The following SPRY4 variants were observed in gnomAD, a reference collection of about 807,000 sequenced individuals.
SPRY4 encodes sprouty RTK signaling antagonist 4, also known as protein sprouty homolog 4.
SPRY4 carries 7 observed loss-of-function variants against 17.0 expected under a neutral mutation model. The ratio of observed to expected loss-of-function variants is 0.41; its 90% CI spans 0.23 to 0.77. The LOEUF (loss-of-function observed/expected upper bound fraction) is 0.77, where lower values mean the gene tolerates loss of function less well. SPRY4 is among the 30% of genes least tolerant of loss of function. The probability of loss-of-function intolerance (pLI) is 0.32; values close to 1 mark genes in which losing one functional copy is unlikely to be tolerated. For synonymous variants in SPRY4, 183 were observed against 174.1 expected, an observed-to-expected ratio of 1.05 and a Z score of -0.40; for missense variants, 435 against 419.9, an observed-to-expected ratio of 1.04 and a Z score of -0.31.
rs752250923 is a variant in SPRY4, at chr5:142,314,922, C to T, written c.187G>A (p.Gly63Ser). The change falls in exon 2 of 2, where the codon GGC becomes AGC. Residue 63 changes from glycine to serine, a missense_variant. Gly to Ser is a moderately conservative substitution (Grantham distance 56). Transcript: ENST00000434127. This position sits in a 1 kb window ranked among gnomAD's most constrained non-coding sequence, Gnocchi z 4.8. ...GCCCCGCCCCGGGTCCGCTTTGGGCCGGTGGTCAGGGCCAGGCTAGGGTTG... is the reference window on the plus strand; with the variant it reads ...GCCCCGCCCCGGGTCCGCTTTGGGCTGGTGGTCAGGGCCAGGCTAGGGTTG... ...IDNPSLALTT[G>S]PKRTRGGAPE... 31 of 1,612,198 alleles carry T rather than the reference C, an allele frequency of 1.9e-5. No homozygotes were observed. Among genetic ancestry groups the T allele is most frequent in the African/African-American group, 2.7e-5 (2 of 74,894 alleles).
chr5:142,311,935 GGT>G lies in SPRY4; in HGVS notation c.*2272_*2273del, dbSNP rs57372594. On this transcript the variant is annotated 3_prime_UTR_variant, in exon 2 of 2. Coordinates refer to ENST00000434127, the MANE Select transcript of SPRY4 (RefSeq NM_001127496.3). ...CGGTAGACAGTCAGTGTGGGGTAGG[GGT>G]GTGTGTGTGTGTGTGTGTGTGTGTA... The G allele has an allele frequency of 8.8e-4, 123 of 140,546 alleles. No individual in the cohort carries two copies. Among genetic ancestry groups the G allele is most frequent in the Middle Eastern group, 3.5e-3 (1 of 286 alleles). 8.7% of individuals were successfully genotyped at this position (140,546 alleles called of 1,614,324 possible). A position where few individuals can be genotyped will look rare whatever the true frequency, so the allele number is the denominator to read the frequency against.
At position 142,314,269 on chromosome 5, in the gene SPRY4, G is replaced by T; in HGVS notation, c.840C>A (p.Ser280Arg). ...CCCCGCTGGCTGCTTTGCAGATGAC[G>T]CTGTTCGTGTGCTTGCAGCGGCAAC... is the stretch of plus-strand genomic sequence containing the variant. The part of the protein sequence containing the change: ...RPGCRCKHTN[S>R]VICKAASGDA... Residue 280 changes from serine to arginine, a missense_variant, in exon 2 of 2, where the codon AGC (serine) becomes AGA (arginine). Coordinates refer to ENST00000434127, the MANE Select transcript of SPRY4 (RefSeq NM_001127496.3). The surrounding 1 kb of genome is among the most constrained non-coding windows in gnomAD (Gnocchi z 4.8). 6.2e-7 allele frequency: 1 copy of T among 1,613,382 alleles called. No homozygotes were observed.
chr5:142,322,541 T>C (rs1222007101), intron 1 of SPRY4, among the ~76,000 whole-genome samples: 1 of 151,546 alleles, frequency 6.6e-6, no homozygotes, highest in East Asian at 1.9e-4. Flanking sequence ...TGTCCACCTG[T>C]CCACAGCCTC....
In SPRY4 at chr5:142,310,725, TAAG is replaced by T. The variant is rs886637358; in HGVS notation, c.*3481_*3483del. 2.0e-5 allele frequency: 3 copies of T among 151,864 alleles called. No individual in the cohort carries two copies. The highest frequency in any genetic ancestry group is 7.3e-5 in the African/African-American group (3 of 41,250). The allele number at this position is 151,864 out of a possible 1,614,324, so 9.4% of individuals were successfully genotyped here. Reference sequence around the variant, plus strand: ...AACATGAAACCAAGCTGTGGGACAGTAAGAAGAGAAAGCAAGGCAAGACACTGC... The same window carrying T: ...AACATGAAACCAAGCTGTGGGACAGTAAGAGAAAGCAAGGCAAGACACTGC... On this transcript the variant is annotated 3_prime_UTR_variant, in exon 2 of 2. Coordinates refer to ENST00000434127, the MANE Select transcript of SPRY4 (RefSeq NM_001127496.3).
rs1489857741 is a variant in SPRY4, at chr5:142,311,604, T to C, written c.*2605A>G. ...GTTGTTGTTGTTGTTGTTTTAATTT[T>C]TGCCAAGAAGCTGAGAAAAACAATG... On this transcript the variant is annotated 3_prime_UTR_variant, in exon 2 of 2. Coordinates refer to ENST00000434127, the MANE Select transcript of SPRY4 (RefSeq NM_001127496.3). The C allele has an allele frequency of 6.6e-6, 1 of 151,838 alleles. No homozygotes were observed. Among genetic ancestry groups the C allele is most frequent in the Admixed American group, 6.6e-5 (1 of 15,234 alleles). The allele number at this position is 151,838 out of a possible 1,614,324, so 9.4% of individuals were successfully genotyped here.
chr5:142,314,427 G>A lies in SPRY4; in HGVS notation c.682C>T (p.Arg228Cys), dbSNP rs1024075344. ...GACCAGCGGGCGCAGCAGTTGGAGCGGGAGCAGGAGCAGGGGTGGTCAGCG... is the reference window on the plus strand; with the variant it reads ...GACCAGCGGGCGCAGCAGTTGGAGCAGGAGCAGGAGCAGGGGTGGTCAGCG... ...SCADHPCSCSRSNCCARWSFM... is the reference protein window; with the variant it reads ...SCADHPCSCSCSNCCARWSFM... The change falls in exon 2 of 2, where the codon CGC (arginine) becomes TGC (cysteine). Residue 228 changes from arginine to cysteine, a missense_variant. By Grantham distance (180) the Arg-to-Cys change is radical. Coordinates refer to ENST00000434127, the MANE Select transcript of SPRY4 (RefSeq NM_001127496.3). This position sits in a 1 kb window ranked among gnomAD's most constrained non-coding sequence, Gnocchi z 4.8. 9.9e-6 allele frequency: 16 copies of A among 1,613,892 alleles called. No individual in the cohort carries two copies. Among genetic ancestry groups the A allele is most frequent in the Admixed American group, 1.7e-5 (1 of 59,980 alleles).
At position 142,317,206 on chromosome 5, in the gene SPRY4, C is replaced by T. The variant is rs149095261; in HGVS notation, c.-47-2051G>A. On this transcript the variant is annotated intron_variant, in intron 1 of 1. Transcript: ENST00000434127. ...TTTCCAAGGATCAGGCTGATGACAA[C>T]GTAGGAATTCCAGGGAATGCTACCT... 8.5e-5 allele frequency: 84 copies of T among 985,420 alleles called. 1 individual carries two copies. The African/African-American group carries it at 1.0e-3, about 12-fold the overall frequency. The allele number at this position is 985,420 out of a possible 1,614,324, so 61.0% of individuals were successfully genotyped here. A position where few individuals can be genotyped will look rare whatever the true frequency, so the allele number is the denominator to read the frequency against.
rs144353509 is a variant in SPRY4 at position 142,314,588 on chromosome 5, C to A, written c.521G>T (p.Arg174Leu). ...GCAGACCCAGCAGGAAGGCAACGTC[C>A]GGGGGGATGCACACTCCTTGCATTT... is the stretch of plus-strand genomic sequence containing the variant. Reference protein sequence around the residue: ...KCKCKECASPRTLPSCWVCNQ... With the variant: ...KCKCKECASPLTLPSCWVCNQ... Residue 174 changes from arginine to leucine, a missense_variant, in exon 2 of 2, where the codon CGG becomes CTG. Arg to Leu is a moderately radical substitution (Grantham distance 102, BLOSUM62 -2). Transcript: ENST00000434127. This position sits in a 1 kb window ranked among gnomAD's most constrained non-coding sequence, Gnocchi z 4.8. 6.2e-7 allele frequency: 1 copy of A among 1,614,206 alleles called. No individual in the cohort carries two copies. Among genetic ancestry groups the A allele is most frequent in the Non-Finnish European group, 8.5e-7 (1 of 1,180,030 alleles).
intron 1 of SPRY4, chr5:142,317,417 C>T (rs988416906): frequency 1.0e-6 from 1 of 985,326 alleles, no homozygotes; most frequent in South Asian, 4.7e-5. Flanking sequence ...CAGCCAGAAC[C>T]CTCACCCCCG....
At position 142,314,675 on chromosome 5, in the gene SPRY4, C is replaced by T. The variant is rs762059142; in HGVS notation, c.434G>A (p.Gly145Asp). 2.5e-5 allele frequency: 41 copies of T among 1,614,076 alleles called. No individual in the cohort carries two copies. The Middle Eastern group carries it at 6.6e-4, about 26-fold the overall frequency. ...VVHCQPLDLKGPAVPPELDKH... is the reference protein window; with the variant it reads ...VVHCQPLDLKDPAVPPELDKH... The stretch of plus-strand genomic sequence containing the variant: ...GTCCAGCTCGGGTGGGACCGCCGGG[C>T]CCTTGAGGTCCAGCGGCTGGCAGTG... Residue 145 changes from glycine to aspartate, a missense_variant, in exon 2 of 2, where the codon GGC becomes GAC. By Grantham distance (94) the Gly-to-Asp change is moderately conservative (BLOSUM62 -1). Transcript: ENST00000434127. The surrounding 1 kb of genome is among the most constrained non-coding windows in gnomAD (Gnocchi z 4.8).
At chr5:142,322,584 G>C (rs1022172066) in intron 1 of SPRY4, among the ~76,000 whole-genome samples, 7 of 151,788 alleles carry the variant, frequency 4.6e-5, no homozygotes, top group African/African-American at 1.7e-4. Flanking sequence ...CCTCCCACCA[G>C]CCCCCAACTA....
intron 1 of SPRY4, among the ~76,000 whole-genome samples, chr5:142,321,548 T>A (rs1237759499): frequency 2.2e-5 from 3 of 137,126 alleles, no homozygotes; most frequent in Non-Finnish European, 4.9e-5. Flanking sequence ...ACTCTAGCCA[T>A]TTCCCTTCCT....
intron 1 of SPRY4, among the ~76,000 whole-genome samples, chr5:142,319,202 G>A (rs573627028): frequency 6.6e-6 from 1 of 152,284 alleles, no homozygotes; most frequent in Non-Finnish European, 1.5e-5. Context: ...AGCCCTCACG[G>A]AACATCATTA....
At chr5:142,319,572 T>TGG (rs1205821591) in intron 1 of SPRY4, among the ~76,000 whole-genome samples, 1 of 152,158 alleles carries the variant, frequency 6.6e-6, no homozygotes, top group Non-Finnish European at 1.5e-5. Context: ...CCTTCATTGA[T>TGG]GGGGTCCCTG....
In SPRY4 at chr5:142,311,406, G is replaced by A. The variant is rs1368282027; in HGVS notation, c.*2803C>T. 5 of 152,320 alleles carry A rather than the reference G, an allele frequency of 3.3e-5. No individual in the cohort carries two copies. Among genetic ancestry groups the A allele is most frequent in the Admixed American group, 6.5e-5 (1 of 15,280 alleles). 9.4% of individuals were successfully genotyped at this position (152,320 alleles called of 1,614,324 possible). A position where few individuals can be genotyped will look rare whatever the true frequency, so the allele number is the denominator to read the frequency against. On this transcript the variant is annotated 3_prime_UTR_variant, in exon 2 of 2. Coordinates refer to ENST00000434127, the MANE Select transcript of SPRY4 (RefSeq NM_001127496.3). ...CACTTTTCAAAAAAGGTCAAGCCGA[G>A]GCATCGTCCAGCCAAACAGGCCATT...
rs149803525 is a variant in SPRY4, at chr5:142,316,735, A to G, written c.-47-1580T>C. Among the ~76,000 whole-genome samples the G allele has an allele frequency of 6.6e-5, 10 of 152,332 alleles. No homozygotes were observed. In the East Asian group the frequency reaches 1.7e-3, roughly 26 times the overall value. Reference sequence around the variant, plus strand: ...CTAAAATAAAAAGCTAGCTCTAGATAAAAGTTTATGAAGGGGATAAAAAGG... The same window carrying G: ...CTAAAATAAAAAGCTAGCTCTAGATGAAAGTTTATGAAGGGGATAAAAAGG... On this transcript the variant is annotated intron_variant, in intron 1 of 1. Transcript: ENST00000434127.
intron 1 of SPRY4, among the ~76,000 whole-genome samples, chr5:142,320,015 C>T (rs1317355042): frequency 1.3e-5 from 2 of 152,154 alleles, no homozygotes; most frequent in African/African-American, 2.4e-5. Flanking sequence ...TCAGTCTCAG[C>T]GGGTTCTTTC....
intron 1 of SPRY4, among the ~76,000 whole-genome samples, chr5:142,323,342 C>G (rs532991409): frequency 7.9e-5 from 12 of 152,336 alleles, no homozygotes; most frequent in African/African-American, 2.9e-4. Context: ...TGTCTGGCCT[C>G]TCCCAAAACT....
In SPRY4 at chr5:142,314,965, C is replaced by T. The variant is rs1448283057; in HGVS notation, c.144G>A (p.Val48=). ...TAGGGTTGTCTATGTAGTCATTCTC[C>T]ACATGGCTGGTCTTCACCTGGTCAA... The part of the protein sequence containing the change: ...LPIDQVKTSH[V]ENDYIDNPSL... Residue 48 remains valine, a synonymous_variant, in exon 2 of 2, where the codon GTG becomes GTA. Transcript: ENST00000434127. This position sits in a 1 kb window ranked among gnomAD's most constrained non-coding sequence, Gnocchi z 4.8. 2.5e-6 allele frequency: 4 copies of T among 1,613,998 alleles called. No homozygotes were observed. Among genetic ancestry groups the T allele is most frequent in the East Asian group, 4.5e-5 (2 of 44,888 alleles).
Sources: gnomAD v4.1 joint callset for allele counts (sites outside exome capture counted in the v4.1 genomes callset) on GRCh38, gnomAD v4.1.1 for gene constraint, Gnocchi (gnomAD v3.1) non-coding constraint, MANE v1.5 for transcripts, NCBI Gene and HGNC (gene_info 2026-07-23, HGNC 2026-07-21) for gene names.